ESCO1: variants seen among roughly 807,000 people sequenced by gnomAD.
ESCO1 encodes the protein establishment of sister chromatid cohesion N-acetyltransferase 1.
A neutral mutation model predicts 83.5 loss-of-function variants in ESCO1; 33 were observed. That is an observed-to-expected ratio of 0.40 (90% CI 0.30 to 0.53). The LOEUF is 0.53. Ranked by LOEUF, ESCO1 falls within the 20% of genes least tolerant of loss-of-function variation. The pLI is 0.63. For synonymous variants in ESCO1, 332 were observed against 324.3 expected (o/e 1.02, Z -0.25); for missense variants, 855 against 968.0 (o/e 0.88, Z 1.55).
At chr18:21,533,728 C>T (rs985503931) in intron 10 of ESCO1, among the ~76,000 whole-genome samples, 2 of 152,072 alleles carry the variant, frequency 1.3e-5, no homozygotes, top group East Asian at 1.9e-4. Context: ...CACAATAGTT[C>T]GCACTATGTA....
intron 1 of ESCO1, among the ~76,000 whole-genome samples, chr18:21,592,439 A>C (rs1189648311): frequency 4.4e-5 from 4 of 90,566 alleles, no homozygotes; most frequent in African/African-American, 9.1e-5. Flanking sequence ...TGACCCCCCC[A>C]CCTCCCTCCC....
At chr18:21,553,555 A>C (rs12454422) in intron 8 of ESCO1, among the ~76,000 whole-genome samples, 149,195 of 151,582 alleles carry the variant, frequency 0.98, 73,465 homozygotes, top group East Asian at 1. Context: ...AAAGAAGTAA[A>C]TGATTAAAAA....
intron 2 of ESCO1, among the ~76,000 whole-genome samples, chr18:21,578,591 T>C (rs2038451083): frequency 1.3e-5 from 2 of 152,052 alleles, no homozygotes; most frequent in Non-Finnish European, 1.5e-5. Flanking sequence ...TACAGTGGCA[T>C]GTCTATAATC....
intron 9 of ESCO1, 38 bp from the exon 10 acceptor site, chr18:21,536,223 A>C: frequency 6.3e-7 from 1 of 1,585,486 alleles, no homozygotes; most frequent in Non-Finnish European, 8.6e-7. Context: ...TTAAATGAAA[A>C]TATTATATAC....
rs1312605466 is a variant in ESCO1 at position 21,542,974 on chromosome 18, C to CT, written c.1954-2966dup. Among the ~76,000 whole-genome samples, 11 of 152,312 alleles carry CT rather than the reference C, an allele frequency of 7.2e-5. No homozygotes were observed. The South Asian group carries it at 1.9e-3, about 26-fold the overall frequency. ...AAGAAATAAATTCCAATGCAGTGCACTTACACTTCTGACCTTTAGCTCCAA... is the reference window on the plus strand; with the variant it reads ...AAGAAATAAATTCCAATGCAGTGCACTTTACACTTCTGACCTTTAGCTCCAA... On this transcript the variant is annotated intron_variant, in intron 8 of 11. Coordinates refer to ENST00000269214, the MANE Select transcript of ESCO1 (RefSeq NM_052911.3).
At chr18:21,564,437 CTGGAGTGCAG>C (rs1473591180) in intron 6 of ESCO1, 120 bp from the exon 7 acceptor site, 5 of 672,640 alleles carry the variant, frequency 7.4e-6, no homozygotes, top group Non-Finnish European at 9.4e-6. Context: ...GTCGCCCAGG[CTGGAGTGCAG>C]TGGCGCAATC....
At chr18:21,586,783 C>T (rs1352233891) in intron 1 of ESCO1, among the ~76,000 whole-genome samples, 1 of 152,140 alleles carries the variant, frequency 6.6e-6, no homozygotes, top group Non-Finnish European at 1.5e-5. Context: ...CAGTGGAAAC[C>T]TCCTCCTTTC....
chr18:21,589,388 T>C (rs998756033), intron 1 of ESCO1, among the ~76,000 whole-genome samples: 2 of 149,128 alleles, frequency 1.3e-5, no homozygotes, highest in Admixed American at 6.8e-5. Context: ...CCCAACCTCA[T>C]CTTGATGGTT....
chr18:21,575,543 G>T (rs937455031), intron 3 of ESCO1, 113 bp from the exon 4 acceptor site: 3 of 398,176 alleles, frequency 7.5e-6, no homozygotes. Flanking sequence ...TCCTTTTGAA[G>T]TATCTAATCA....
chr18:21,563,167 G>A (rs768935670), intron 7 of ESCO1, among the ~76,000 whole-genome samples: 1 of 151,604 alleles, frequency 6.6e-6, no homozygotes, highest in African/African-American at 2.4e-5. Context: ...CACTGCACCT[G>A]GACAAGTTCC....
At position 21,564,331 on chromosome 18, in the gene ESCO1, A is replaced by C. The variant is rs754183001; in HGVS notation, c.1707-14T>G. On this transcript the variant is annotated splice_polypyrimidine_tract_variant and intron_variant, in intron 6 of 11. Transcript: ENST00000269214. ...CGTGGTGTCTCCCTTAAAAAAAATA[A>C]AATTACTAAATGTTACAGATCCAAG... 3.3e-6 allele frequency: 5 copies of C among 1,492,980 alleles called. No individual in the cohort carries two copies. The Admixed American group carries it at 5.5e-5, about 16-fold the overall frequency. The allele number at this position is 1,492,980 out of a possible 1,614,324, so 92.5% of individuals were successfully genotyped here.
In ESCO1 at chr18:21,561,199, G is replaced by A. The variant is rs891809989; in HGVS notation, c.1822-209C>T. Among the ~76,000 whole-genome samples the A allele has an allele frequency of 2.3e-4, 35 of 151,978 alleles. 1 individual carries two copies. The highest frequency in any genetic ancestry group is 1.3e-4 in the Admixed American group (2 of 15,238). The stretch of plus-strand genomic sequence containing the variant: ...TTTCCATTTTAGTAACCTGATCCAC[G>A]GCATATAACAATTTTTTAAAAACTG... On this transcript the variant is annotated intron_variant, in intron 7 of 11. Transcript: ENST00000269214.
intron 1 of ESCO1, among the ~76,000 whole-genome samples, chr18:21,585,994 A>G (rs1296912348): frequency 1.3e-5 from 2 of 152,244 alleles, no homozygotes. Context: ...TCAAATCATG[A>G]TAACTGGGAT....
chr18:21,587,543 C>A (rs978094192), intron 1 of ESCO1, among the ~76,000 whole-genome samples: 2 of 152,078 alleles, frequency 1.3e-5, no homozygotes, highest in Admixed American at 1.3e-4. Context: ...CCCTTTTAAC[C>A]CTTTTTATTT....
At chr18:21,570,126 C>T (rs112329367) in intron 4 of ESCO1, among the ~76,000 whole-genome samples, 58 of 152,278 alleles carry the variant, frequency 3.8e-4, no homozygotes, top group African/African-American at 1.4e-3. Flanking sequence ...GAGATAGAGT[C>T]TCACTCTGTC....
intron 8 of ESCO1, among the ~76,000 whole-genome samples, chr18:21,542,257 C>T (rs1050392250): frequency 6.6e-6 from 1 of 152,148 alleles, no homozygotes; most frequent in African/African-American, 2.4e-5. Context: ...AAGATCACAG[C>T]TCACAGCAGC....
chr18:21,531,443 G>GA (rs927787265), intron 11 of ESCO1, among the ~76,000 whole-genome samples: 11 of 150,744 alleles, frequency 7.3e-5, no homozygotes, highest in African/African-American at 2.7e-4. Context: ...CTCCAAAAAA[G>GA]AAAAAAAATA....
intron 8 of ESCO1, among the ~76,000 whole-genome samples, chr18:21,552,212 C>T (rs929501983): frequency 3.3e-5 from 5 of 152,150 alleles, no homozygotes; most frequent in African/African-American, 4.8e-5. Flanking sequence ...TGACACTACC[C>T]AATTTCAAAA....
chr18:21,530,505 TGGGG>T lies in ESCO1; in HGVS notation c.2376-19_2376-16del, dbSNP rs35451929. On this transcript the variant is annotated splice_polypyrimidine_tract_variant and intron_variant, in intron 11 of 11. Coordinates refer to ENST00000269214, the MANE Select transcript of ESCO1 (RefSeq NM_052911.3). Reference sequence around the variant, plus strand: ...TAAAGTTACTCCTATTAAAAAAAAATGGGGGGGGGGAAGGGTTAAGTGTGAAATG... The same window carrying T: ...TAAAGTTACTCCTATTAAAAAAAAATGGGGGGAAGGGTTAAGTGTGAAATG... 1.7e-4 allele frequency: 192 copies of T among 1,149,202 alleles called. 1 individual carries two copies. The highest frequency in any genetic ancestry group is 1.5e-4 in the Non-Finnish European group (129 of 852,910). The allele number at this position is 1,149,202 out of a possible 1,614,324, so 71.2% of individuals were successfully genotyped here.
Sources: gnomAD v4.1 joint callset for allele counts (sites outside exome capture counted in the v4.1 genomes callset) on GRCh38, gnomAD v4.1.1 for gene constraint, MANE v1.5 for transcripts, NCBI Gene and HGNC (gene_info 2026-07-23, HGNC 2026-07-21) for gene names.